Variants in TAFA1 observed in about 807,000 individuals in gnomAD.
TAFA1 encodes TAFA chemokine like family member 1, also known as chemokine-like protein TAFA-1.
A neutral mutation model predicts 18.5 loss-of-function variants in TAFA1; 4 were observed. The observed-to-expected ratio is 0.22, with a 90% CI of 0.11 to 0.49. TAFA1 has a LOEUF of 0.49. Ranked by LOEUF, TAFA1 falls within the 20% of genes least tolerant of loss-of-function variation. The pLI is 0.98. For missense variants in TAFA1, 147 were observed against 169.0 expected, an observed-to-expected ratio of 0.87 and a Z score of 0.72; for synonymous variants, 56 against 55.2, an observed-to-expected ratio of 1.01 and a Z score of -0.06.
intron 3 of TAFA1, among the ~76,000 whole-genome samples, chr3:68,482,330 T>C (rs1197291203): frequency 6.6e-6 from 1 of 152,198 alleles, no homozygotes; most frequent in African/African-American, 2.4e-5. Context: ...GGGCTCCTCC[T>C]GTATATCAGG....
intron 2 of TAFA1, among the ~76,000 whole-genome samples, chr3:68,392,045 A>G (rs910929609): frequency 2.0e-5 from 3 of 152,186 alleles, no homozygotes; most frequent in Non-Finnish European, 4.4e-5. Flanking sequence ...AAATGCCCCA[A>G]TTAAAAGACA....
intron 3 of TAFA1, among the ~76,000 whole-genome samples, chr3:68,511,762 A>G (rs911950266): frequency 1.3e-5 from 2 of 152,096 alleles, no homozygotes; most frequent in African/African-American, 2.4e-5. Flanking sequence ...ACAACTGTCA[A>G]CATCATTTAC....
chr3:68,082,108 T>C (rs145332169), intron 2 of TAFA1, among the ~76,000 whole-genome samples: 4,638 of 152,270 alleles, frequency 0.03, 251 homozygotes, highest in African/African-American at 0.11. Context: ...TTCTTTGACT[T>C]GGAAAGGGAA....
At chr3:68,062,847 A>G (rs974863731) in intron 2 of TAFA1, among the ~76,000 whole-genome samples, 4 of 152,222 alleles carry the variant, frequency 2.6e-5, no homozygotes, top group Non-Finnish European at 5.9e-5. Flanking sequence ...GGGGAAAGTT[A>G]CCAATTCCTT....
chr3:68,438,911 T>C (rs1398708334), intron 3 of TAFA1, among the ~76,000 whole-genome samples: 1 of 152,092 alleles, frequency 6.6e-6, no homozygotes, highest in African/African-American at 2.4e-5. Context: ...AGTGTCGTGG[T>C]ATCCCTGAGC....
At chr3:68,369,893 T>C (rs922351032) in intron 2 of TAFA1, among the ~76,000 whole-genome samples, 2 of 151,970 alleles carry the variant, frequency 1.3e-5, no homozygotes, top group Non-Finnish European at 2.9e-5. Context: ...ATTCAGACAA[T>C]AGAAAAGAAA....
intron 3 of TAFA1, among the ~76,000 whole-genome samples, chr3:68,420,874 G>A (rs1184077650): frequency 6.6e-6 from 1 of 152,134 alleles, no homozygotes; most frequent in Non-Finnish European, 1.5e-5. Context: ...GGGAAGGCAG[G>A]CAGTTAGATG....
At chr3:68,489,886 T>G (rs1019104933) in intron 3 of TAFA1, among the ~76,000 whole-genome samples, 5 of 152,218 alleles carry the variant, frequency 3.3e-5, no homozygotes, top group African/African-American at 1.2e-4. Flanking sequence ...GTACATATAT[T>G]GTGATTGTGA....
At position 68,303,783 on chromosome 3, in the gene TAFA1, A is replaced by G. The variant is rs530566617; in HGVS notation, c.119-113497A>G. 3.9e-5 allele frequency among the ~76,000 whole-genome samples: 6 copies of G among 152,294 alleles called. No homozygotes were observed. The South Asian group carries it at 1.0e-3, about 26-fold the overall frequency. On this transcript the variant is annotated intron_variant, in intron 2 of 4. Coordinates refer to ENST00000478136, the MANE Select transcript of TAFA1 (RefSeq NM_213609.4). ...TTTAGAAGGATTAAAAATATGTCAC[A>G]AAGAGGCAAATTTATTAAAGGAAGC...
At chr3:68,326,790 A>C (rs73099654) in intron 2 of TAFA1, among the ~76,000 whole-genome samples, 1 of 152,342 alleles carries the variant, frequency 6.6e-6, no homozygotes, top group Non-Finnish European at 1.5e-5. Context: ...GAAATAAGAA[A>C]TATTATCTCC....
At chr3:68,461,698 A>T (rs2071785746) in intron 3 of TAFA1, among the ~76,000 whole-genome samples, 1 of 151,578 alleles carries the variant, frequency 6.6e-6, no homozygotes, top group South Asian at 2.1e-4. Flanking sequence ...CAAGCAGAAG[A>T]CAGTTGCCTG....
intron 2 of TAFA1, among the ~76,000 whole-genome samples, chr3:68,082,729 T>C (rs1454263808): frequency 1.3e-5 from 2 of 152,156 alleles, no homozygotes; most frequent in African/African-American, 4.8e-5. Context: ...TCACACTATA[T>C]AGTGAGGGCC....
At chr3:68,534,136 A>T (rs2073234391) in intron 3 of TAFA1, among the ~76,000 whole-genome samples, 1 of 152,190 alleles carries the variant, frequency 6.6e-6, no homozygotes, top group African/African-American at 2.4e-5. Context: ...AGGAAAAAAA[A>T]GTGAACTAAA....
At chr3:68,177,508 T>C (rs1398362254) in intron 2 of TAFA1, among the ~76,000 whole-genome samples, 1 of 152,192 alleles carries the variant, frequency 6.6e-6, no homozygotes, top group Non-Finnish European at 1.5e-5. Context: ...ATCAGGAATA[T>C]AATAGGAGTA....
At chr3:68,337,124 G>A (rs1484054749) in intron 2 of TAFA1, among the ~76,000 whole-genome samples, 1 of 152,174 alleles carries the variant, frequency 6.6e-6, no homozygotes, top group East Asian at 1.9e-4. Flanking sequence ...TTTATAGAAA[G>A]AACTACCTGA....
chr3:68,401,642 A>G (rs2106748264), intron 2 of TAFA1, among the ~76,000 whole-genome samples: 1 of 152,282 alleles, frequency 6.6e-6, no homozygotes, highest in South Asian at 2.1e-4. Flanking sequence ...ACAATCTACT[A>G]CTTCCCCAAG....
At chr3:68,350,799 G>A (rs939947456) in intron 2 of TAFA1, among the ~76,000 whole-genome samples, 11 of 152,074 alleles carry the variant, frequency 7.2e-5, no homozygotes, top group Admixed American at 1.3e-4. Flanking sequence ...ATAAGTAGTC[G>A]TGTGGCCGTG....
chr3:68,439,000 G>T (rs2071315787), intron 3 of TAFA1, among the ~76,000 whole-genome samples: 1 of 152,092 alleles, frequency 6.6e-6, no homozygotes, highest in Non-Finnish European at 1.5e-5. Flanking sequence ...TGTGATGGGA[G>T]CAGCAGCCTC....
At chr3:68,310,699 T>A (rs976658986) in intron 2 of TAFA1, among the ~76,000 whole-genome samples, 1 of 152,196 alleles carries the variant, frequency 6.6e-6, no homozygotes, top group Non-Finnish European at 1.5e-5. Flanking sequence ...ATCAATATAA[T>A]CATGCTGTTT....
Sources: gnomAD v4.1 joint callset for allele counts (sites outside exome capture counted in the v4.1 genomes callset) on GRCh38, gnomAD v4.1.1 for gene constraint, MANE v1.5 for transcripts, NCBI Gene and HGNC (gene_info 2026-07-23, HGNC 2026-07-21) for gene names.